The following PCED1B variants were observed in gnomAD, a reference collection of about 807,000 sequenced individuals.
The protein encoded by PCED1B is PC-esterase domain-containing protein 1B.
For missense variants in PCED1B, 573 were observed against 573.9 expected, an observed-to-expected ratio of 1.00 and a Z score of 0.02; for synonymous variants, 251 against 246.1, an observed-to-expected ratio of 1.02 and a Z score of -0.19.
intron 3 of PCED1B, among the ~76,000 whole-genome samples, chr12:47,230,693 C>T (rs896075960): frequency 3.9e-5 from 6 of 151,994 alleles, no homozygotes; most frequent in East Asian, 1.9e-4. Flanking sequence ...CCACCTGCCT[C>T]GGCCTCTCAA....
chr12:47,223,249 A>T (rs1943539292), intron 3 of PCED1B, among the ~76,000 whole-genome samples: 1 of 152,180 alleles, frequency 6.6e-6, no homozygotes. Flanking sequence ...CAGAGGGAGC[A>T]GTCAGTAGTG....
Position 47,098,036 on chromosome 12 carries a change from G to A in PCED1B, c.-608-6077G>A, listed in dbSNP as rs529617410. ...GCCACATGCCAGTCTGTGAAAAGGA[G>A]GCATTTGCTTTTGGGTAGTAGTTGA... On this transcript the variant is annotated intron_variant, in intron 1 of 3. Transcript: ENST00000546455. Among the ~76,000 whole-genome samples the A allele has an allele frequency of 4.6e-5, 7 of 152,316 alleles. No homozygotes were observed. In the East Asian group the frequency reaches 1.3e-3, roughly 29 times the overall value.
At chr12:47,194,176 A>T (rs1334864276) in intron 2 of PCED1B, among the ~76,000 whole-genome samples, 1 of 152,006 alleles carries the variant, frequency 6.6e-6, no homozygotes, top group Non-Finnish European at 1.5e-5. Flanking sequence ...TCTCAGGAAT[A>T]GGTCTTTTTT....
At chr12:47,214,442 G>C (rs932939321) in intron 2 of PCED1B, among the ~76,000 whole-genome samples, 5 of 152,102 alleles carry the variant, frequency 3.3e-5, no homozygotes, top group African/African-American at 1.2e-4. Flanking sequence ...AGGGAAAATG[G>C]CTTCCTCCCT....
intron 2 of PCED1B, among the ~76,000 whole-genome samples, chr12:47,214,995 T>C (rs1202886876): frequency 6.6e-6 from 1 of 152,030 alleles, no homozygotes. Context: ...GAAGCGATTC[T>C]CCTGCCTCAG....
intron 2 of PCED1B, chr12:47,135,648 C>G: frequency 3.9e-6 from 2 of 510,214 alleles, no homozygotes; most frequent in Non-Finnish European, 8.0e-6. Flanking sequence ...ACTTCCTGTC[C>G]TAGACTTCAC....
At chr12:47,160,406 A>G (rs1941340245) in intron 2 of PCED1B, among the ~76,000 whole-genome samples, 1 of 146,382 alleles carries the variant, frequency 6.8e-6, no homozygotes. Context: ...CTCAAGCACA[A>G]TCCTCTTGTC....
At chr12:47,172,726 A>T (rs1407228614) in intron 2 of PCED1B, among the ~76,000 whole-genome samples, 1 of 152,110 alleles carries the variant, frequency 6.6e-6, no homozygotes, top group Non-Finnish European at 1.5e-5. Flanking sequence ...TTATTAGGAG[A>T]TCATATGTGT....
intron 2 of PCED1B, chr12:47,135,825 T>G (rs1940336804): frequency 4.1e-6 from 2 of 483,578 alleles, no homozygotes; most frequent in African/African-American, 3.9e-5. Context: ...CACCTCATGC[T>G]TCTCCTTGAG....
intron 3 of PCED1B, among the ~76,000 whole-genome samples, chr12:47,234,056 C>T (rs558357681): frequency 7.9e-5 from 12 of 152,290 alleles, no homozygotes; most frequent in South Asian, 4.1e-4. Context: ...GGCGCGATCT[C>T]AGCTCACTGG....
rs550037511 is a variant in PCED1B, at chr12:47,106,575, G to A, written c.-526+2380G>A. On this transcript the variant is annotated intron_variant, in intron 2 of 3. Coordinates refer to ENST00000546455, the MANE Select transcript of PCED1B (RefSeq NM_138371.3). ...CCTCTCAACCTGCCTTGCCCATGAT[G>A]TCTGTCATCCCAGGCCCCAGACTGT... Among the ~76,000 whole-genome samples, 5 of 152,214 alleles carry A rather than the reference G, an allele frequency of 3.3e-5. No individual in the cohort carries two copies. The East Asian group carries it at 9.7e-4, about 29-fold the overall frequency.
At chr12:47,211,406 C>T (rs974939759) in intron 2 of PCED1B, among the ~76,000 whole-genome samples, 1 of 151,916 alleles carries the variant, frequency 6.6e-6, no homozygotes, top group East Asian at 1.9e-4. Context: ...AATCCCAGCA[C>T]TTTGGGAGGC....
At chr12:47,226,221 C>G (rs1592318338) in intron 3 of PCED1B, among the ~76,000 whole-genome samples, 1 of 152,286 alleles carries the variant, frequency 6.6e-6, no homozygotes, top group South Asian at 2.1e-4. Context: ...TGTTTTAATT[C>G]GAAGTTGGAA....
chr12:47,142,270 C>A (rs1488039219), intron 2 of PCED1B, among the ~76,000 whole-genome samples: 1 of 152,152 alleles, frequency 6.6e-6, no homozygotes, highest in Non-Finnish European at 1.5e-5. Context: ...CAACTCCAAC[C>A]CCACTCAACT....
Position 47,215,826 on chromosome 12 carries a change from G to A in PCED1B, c.-525-396G>A, listed in dbSNP as rs556610878. ...TCCCAGCACTTTGGGAGGCCAAGGC[G>A]GGTGGATCACCTGAGGTAAGGAGTT... On this transcript the variant is annotated intron_variant, in intron 2 of 3. Transcript: ENST00000546455. 5.7e-3 allele frequency among the ~76,000 whole-genome samples: 777 copies of A among 135,600 alleles called. 3 individuals carry two copies. Among genetic ancestry groups the A allele is most frequent in the Non-Finnish European group, 7.9e-3 (491 of 62,040 alleles). 89.0% of individuals were successfully genotyped at this position (135,600 alleles called of 152,430 possible).
intron 2 of PCED1B, among the ~76,000 whole-genome samples, chr12:47,138,736 A>G (rs145169101): frequency 2.0e-5 from 3 of 152,328 alleles, no homozygotes; most frequent in Non-Finnish European, 4.4e-5. Context: ...GGTCTACACC[A>G]TCCTTGCCTT....
intron 3 of PCED1B, among the ~76,000 whole-genome samples, chr12:47,231,413 G>A (rs936479280): frequency 6.6e-6 from 1 of 151,710 alleles, no homozygotes; most frequent in African/African-American, 2.4e-5. Context: ...GGGTGCTAAA[G>A]CTAGTGGAGG....
chr12:47,203,437 T>G (rs557663891), intron 2 of PCED1B, among the ~76,000 whole-genome samples: 1 of 152,260 alleles, frequency 6.6e-6, no homozygotes, highest in South Asian at 2.1e-4. Context: ...CCACTAGCAA[T>G]TCTTCCTGAT....
chr12:47,171,891 T>A (rs1329783866), intron 2 of PCED1B, among the ~76,000 whole-genome samples: 1 of 144,066 alleles, frequency 6.9e-6, no homozygotes, highest in Non-Finnish European at 1.5e-5. Flanking sequence ...CTTCTTCTTC[T>A]TCTTCCTCTT....
Sources: gnomAD v4.1 joint callset for allele counts (sites outside exome capture counted in the v4.1 genomes callset) on GRCh38, gnomAD v4.1.1 for gene constraint, MANE v1.5 for transcripts, NCBI Gene and HGNC (gene_info 2026-07-23, HGNC 2026-07-21) for gene names.